The following REV1 variants were observed in gnomAD, a reference collection of about 807,000 sequenced individuals.
The protein encoded by REV1 is REV1 DNA directed polymerase.
REV1 carries 42 observed loss-of-function variants against 137.4 expected under a neutral mutation model. The observed-to-expected ratio is 0.31, with a 90% CI of 0.24 to 0.40. REV1 has a LOEUF of 0.40. Among genes scored for constraint, REV1 ranks in the 10% least tolerant of loss-of-function variants. The pLI, the probability that REV1 is intolerant of heterozygous loss-of-function variation, is 1.00. For synonymous variants in REV1, 524 were observed against 519.2 expected, an observed-to-expected ratio of 1.01 and a Z score of -0.12; for missense variants, 1,282 against 1,490.1, an observed-to-expected ratio of 0.86 and a Z score of 2.30.
intron 3 of REV1, among the ~76,000 whole-genome samples, chr2:99,455,981 G>T (rs1683495031): frequency 6.6e-6 from 1 of 152,050 alleles, no homozygotes. Flanking sequence ...AAAATAACCT[G>T]AACACCTCTT....
At chr2:99,406,295 TA>T (rs1246336414) in intron 16 of REV1, 29 bp downstream of exon 16, 12 of 1,579,190 alleles carry the variant, frequency 7.6e-6, no homozygotes, top group African/African-American at 2.7e-5. Context: ...AAGCAGCACC[TA>T]AAAAAGAACC....
intron 3 of REV1, among the ~76,000 whole-genome samples, chr2:99,455,714 G>C (rs527564285): frequency 2.6e-5 from 4 of 152,196 alleles, no homozygotes; most frequent in African/African-American, 9.6e-5. Flanking sequence ...CAAAAAATTA[G>C]ACTTGTCAAC....
rs373313528 is a variant in REV1 at position 99,404,305 on chromosome 2, TCTCCC to T, written c.3045+134_3045+138del. 5.4e-3 allele frequency: 3,753 copies of T among 691,260 alleles called. 154 individuals are homozygous for T. The highest frequency in any genetic ancestry group is 0.017 in the African/African-American group (915 of 54,792). The allele number at this position is 691,260 out of a possible 1,614,324, so 42.8% of individuals were successfully genotyped here. A position where few individuals can be genotyped will look rare whatever the true frequency, so the allele number is the denominator to read the frequency against. ...ATGCAGGAGATGGAGACAAGCCCAC[TCTCCC>T]CTCCCCTCCCCTCCCCTCCCCAGTG... On this transcript the variant is annotated intron_variant, in intron 18 of 22. Transcript: ENST00000258428.
At position 99,402,260 on chromosome 2, in the gene REV1, T is replaced by C. The variant is rs949995168; in HGVS notation, c.3628A>G (p.Ile1210Val). 1 of 1,358,962 alleles carries C rather than the reference T, an allele frequency of 7.4e-7. No homozygotes were observed. Among genetic ancestry groups the C allele is most frequent in the Non-Finnish European group, 1.0e-6 (1 of 972,876 alleles). 84.2% of individuals were successfully genotyped at this position (1,358,962 alleles called of 1,614,324 possible). A position where few individuals can be genotyped will look rare whatever the true frequency, so the allele number is the denominator to read the frequency against. Residue 1210 changes from isoleucine to valine, a missense_variant, in exon 22 of 23, where the codon ATA (isoleucine) becomes GTA (valine). Physicochemically the swap from Ile to Val is conservative, Grantham distance 29. Transcript: ENST00000258428. ...EKDLEKLDLVIKYMKRLMQQS... is the reference protein window; with the variant it reads ...EKDLEKLDLVVKYMKRLMQQS... ...AATTACTACCTTTTCATGTATTTTA[T>C]AACTAGATCCAGTTTTTCCAAATCT... is the stretch of plus-strand genomic sequence containing the variant.
intron 9 of REV1, among the ~76,000 whole-genome samples, chr2:99,429,422 C>G (rs1442442799): frequency 6.6e-6 from 1 of 151,896 alleles, no homozygotes. Flanking sequence ...ATTGCATAGG[C>G]AAATGGGTTT....
At chr2:99,411,650 C>T (rs28382949) in intron 13 of REV1, among the ~76,000 whole-genome samples, 22,269 of 151,554 alleles carry the variant, frequency 0.15, 1,809 homozygotes, top group East Asian at 0.25. Context: ...CTCAGGTGAT[C>T]GGCCTGCCTC....
At chr2:99,412,598 T>G in intron 13 of REV1, 133 bp downstream of exon 13, 2 of 709,412 alleles carry the variant, frequency 2.8e-6, no homozygotes, top group Admixed American at 5.1e-5. Flanking sequence ...AAAGGCCTTC[T>G]TAAGGCTCTG....
chr2:99,477,990 T>C (rs1373773983), intron 1 of REV1, among the ~76,000 whole-genome samples: 1 of 152,164 alleles, frequency 6.6e-6, no homozygotes, highest in African/African-American at 2.4e-5. Flanking sequence ...CCCAAGACTT[T>C]GGGAGGCCAA....
chr2:99,430,076 T>C (rs1236361954), intron 8 of REV1, 128 bp from the exon 9 acceptor site: 6 of 524,436 alleles, frequency 1.1e-5, no homozygotes, highest in Admixed American at 8.0e-5. Context: ...GTTATCTCTA[T>C]TGGTATTATC....
intron 1 of REV1, among the ~76,000 whole-genome samples, chr2:99,472,398 T>G (rs988143431): frequency 2.6e-5 from 4 of 152,210 alleles, no homozygotes; most frequent in Non-Finnish European, 2.9e-5. Context: ...CGGGTGGAGT[T>G]ACTGTTTAAC....
chr2:99,487,050 G>A (rs375675652), intron 1 of REV1, among the ~76,000 whole-genome samples: 2 of 152,224 alleles, frequency 1.3e-5, no homozygotes, highest in Non-Finnish European at 2.9e-5. Context: ...TGACATTTGA[G>A]CAGAAACACA....
At chr2:99,462,847 G>A (rs1684378264) in intron 2 of REV1, 3 of 379,386 alleles carry the variant, frequency 7.9e-6, no homozygotes, top group Non-Finnish European at 9.2e-6. Flanking sequence ...CAGCACTTTG[G>A]GAAGCTGAGG....
rs113929121 is a variant in REV1, at chr2:99,431,180, G to A, written c.1439-1232C>T. On this transcript the variant is annotated intron_variant, in intron 8 of 22. Coordinates refer to ENST00000258428, the MANE Select transcript of REV1 (RefSeq NM_016316.4). ...TCATCTAACTATGCAACCCATACAA[G>A]CATTTCTGGATTTCGGCAACCATAT... is the stretch of plus-strand genomic sequence containing the variant. Among the ~76,000 whole-genome samples, 305 of 152,196 alleles carry A rather than the reference G, an allele frequency of 2.0e-3. 1 individual carries two copies. Among genetic ancestry groups the A allele is most frequent in the African/African-American group, 7.1e-3 (296 of 41,514 alleles).
intron 9 of REV1, among the ~76,000 whole-genome samples, chr2:99,427,740 C>T (rs1679568945): frequency 6.6e-6 from 1 of 152,066 alleles, no homozygotes; most frequent in African/African-American, 2.4e-5. Context: ...AACAGAAAAT[C>T]ACAATTAAGG....
At chr2:99,405,370 C>G (rs987301570) in intron 17 of REV1, 1 of 152,648 alleles carries the variant, frequency 6.6e-6, no homozygotes, top group Non-Finnish European at 1.5e-5. Context: ...GTTTTGCAGC[C>G]AGTATTTAAC....
chr2:99,453,603 A>T (rs1683167772), intron 3 of REV1, among the ~76,000 whole-genome samples: 1 of 152,010 alleles, frequency 6.6e-6, no homozygotes, highest in Non-Finnish European at 1.5e-5. Flanking sequence ...GAAAATAAAA[A>T]ATCAAAACAG....
At chr2:99,463,283 G>GCTGAGGTGGGCAGATCAC (rs1323132495) in intron 2 of REV1, among the ~76,000 whole-genome samples, 14 of 152,248 alleles carry the variant, frequency 9.2e-5, no homozygotes, top group African/African-American at 3.4e-4. Flanking sequence ...ATTTTGGGAG[G>GCTGAGGTGGGCAGATCAC]CTGAGGTGGG....
rs564374328 is a variant in REV1, at chr2:99,473,271, G to C, written c.-10-8286C>G. On this transcript the variant is annotated intron_variant, in intron 1 of 22. Transcript: ENST00000258428. ...TAGTCCCAGCTACTCAGGAGGCTGA[G>C]GCAGGAGAGTCACTTGAACCCAGGA... Among the ~76,000 whole-genome samples, 12 of 151,582 alleles carry C rather than the reference G, an allele frequency of 7.9e-5. No individual in the cohort carries two copies. In the East Asian group the frequency reaches 2.3e-3, roughly 29 times the overall value.
chr2:99,402,218 A>T (rs766131251), intron 22 of REV1, 26 bp downstream of exon 22: 6 of 1,002,382 alleles, frequency 6.0e-6, no homozygotes, highest in Non-Finnish European at 9.0e-6. Context: ...ATTTTTTCCC[A>T]TTTGATAAAA....
Sources: allele counts gnomAD v4.1 joint callset (sites outside exome capture counted in the v4.1 genomes callset), GRCh38; gene constraint gnomAD v4.1.1; transcripts MANE v1.5; gene names NCBI Gene and HGNC (gene_info 2026-07-23, HGNC 2026-07-21).